The following ZMAT4 variants were observed in gnomAD, a reference collection of about 807,000 sequenced individuals.
ZMAT4 encodes the protein zinc finger matrin-type protein 4.
Under a neutral mutation model 28.7 loss-of-function variants are expected in ZMAT4, and 17 were observed. The ratio of observed to expected loss-of-function variants is 0.59; its 90% CI spans 0.41 to 0.89. The LOEUF is 0.89. Ranked by LOEUF, ZMAT4 falls within the 40% of genes least tolerant of loss-of-function variation. The pLI is 0.00. For missense variants in ZMAT4, 240 were observed against 283.8 expected, an observed-to-expected ratio of 0.85 and a Z score of 1.11; for synonymous variants, 117 against 109.2, an observed-to-expected ratio of 1.07 and a Z score of -0.44.
chr8:40,685,916 G>T (rs972501335), intron 4 of ZMAT4, among the ~76,000 whole-genome samples: 3 of 152,174 alleles, frequency 2.0e-5, no homozygotes, highest in African/African-American at 7.2e-5. Context: ...ATGGCTTGGG[G>T]TGGGGCCCAG....
At chr8:40,713,081 T>C (rs1227525393) in intron 3 of ZMAT4, among the ~76,000 whole-genome samples, 1 of 152,084 alleles carries the variant, frequency 6.6e-6, no homozygotes, top group African/African-American at 2.4e-5. Flanking sequence ...AAAACTCTAA[T>C]AATTTTTAAA....
chr8:40,865,988 C>T (rs1817666011), intron 1 of ZMAT4, among the ~76,000 whole-genome samples: 1 of 152,214 alleles, frequency 6.6e-6, no homozygotes, highest in Admixed American at 6.5e-5. Context: ...CCTCTGTGTG[C>T]CAAGTGCCAA....
At chr8:40,889,163 G>A (rs1420947367) in intron 1 of ZMAT4, among the ~76,000 whole-genome samples, 2 of 152,212 alleles carry the variant, frequency 1.3e-5, no homozygotes, top group Admixed American at 6.5e-5. Flanking sequence ...ACCACTGCAG[G>A]TGACAGGGCC....
chr8:40,822,422 G>T (rs1032646896), intron 2 of ZMAT4, among the ~76,000 whole-genome samples: 2 of 152,148 alleles, frequency 1.3e-5, no homozygotes, highest in East Asian at 1.9e-4. Flanking sequence ...CAGTAATAGG[G>T]CATGGAGACT....
chr8:40,631,853 C>G (rs1387990227), intron 5 of ZMAT4, among the ~76,000 whole-genome samples: 3 of 152,206 alleles, frequency 2.0e-5, no homozygotes, highest in Non-Finnish European at 4.4e-5. Context: ...AAGCTGGAAT[C>G]TTACCCTGAG....
chr8:40,670,973 C>T (rs1012566531), intron 5 of ZMAT4, among the ~76,000 whole-genome samples: 1 of 151,044 alleles, frequency 6.6e-6, no homozygotes, highest in African/African-American at 2.4e-5. Flanking sequence ...GAGGCTGAGG[C>T]AGGAGAATCT....
At position 40,868,101 on chromosome 8, in the gene ZMAT4, T is replaced by A. The variant is rs571477766; in HGVS notation, c.-5+29582A>T. 1.8e-4 allele frequency among the ~76,000 whole-genome samples: 28 copies of A among 152,314 alleles called. No homozygotes were observed. The South Asian group carries it at 5.4e-3, about 29-fold the overall frequency. On this transcript the variant is annotated intron_variant, in intron 1 of 6. Transcript: ENST00000297737. ...ACATTATGGACATATATATGATATA[T>A]AAATAACACATATCCATAATATATT...
intron 6 of ZMAT4, among the ~76,000 whole-genome samples, chr8:40,573,594 A>G (rs1195479178): frequency 6.6e-6 from 1 of 152,220 alleles, no homozygotes; most frequent in East Asian, 1.9e-4. Context: ...ATATAAGGCC[A>G]TATTCTGAGG....
intron 5 of ZMAT4, among the ~76,000 whole-genome samples, chr8:40,582,819 C>A (rs955459692): frequency 2.6e-5 from 4 of 152,130 alleles, no homozygotes; most frequent in Non-Finnish European, 1.5e-5. Context: ...TCAATACGGG[C>A]TTGCTATTTT....
chr8:40,883,089 G>A lies in ZMAT4; in HGVS notation c.-5+14594C>T, dbSNP rs145256946. ...CACATCATGAGGCCAAAGCCATTCC[G>A]GGCTGTGCTGATGGTGCACTGACAT... On this transcript the variant is annotated intron_variant, in intron 1 of 6. Coordinates refer to ENST00000297737, the MANE Select transcript of ZMAT4 (RefSeq NM_024645.3). Among the ~76,000 whole-genome samples the A allele has an allele frequency of 1.1e-3, 160 of 152,230 alleles. 1 individual carries two copies. The highest frequency in any genetic ancestry group is 3.5e-3 in the African/African-American group (147 of 41,526).
intron 2 of ZMAT4, among the ~76,000 whole-genome samples, chr8:40,789,940 A>G (rs1814251868): frequency 6.6e-6 from 1 of 152,170 alleles, no homozygotes; most frequent in Non-Finnish European, 1.5e-5. Context: ...ACCAACTGGA[A>G]AAAAAGCCAA....
chr8:40,810,113 T>C (rs1298124686), intron 2 of ZMAT4, among the ~76,000 whole-genome samples: 4 of 152,090 alleles, frequency 2.6e-5, no homozygotes, highest in Admixed American at 2.6e-4. Context: ...CACATACATA[T>C]ATATGTGTAT....
chr8:40,703,973 A>G (rs1022335020), intron 3 of ZMAT4, among the ~76,000 whole-genome samples: 6 of 152,208 alleles, frequency 3.9e-5, no homozygotes, highest in Middle Eastern at 3.2e-3. Context: ...CACTGGCTAG[A>G]CATTCTAAAA....
At chr8:40,538,058 A>G (rs970502565) in intron 6 of ZMAT4, among the ~76,000 whole-genome samples, 2 of 152,176 alleles carry the variant, frequency 1.3e-5, no homozygotes, top group African/African-American at 4.8e-5. Flanking sequence ...TAACCTAAGA[A>G]ACTGTTTCAG....
intron 1 of ZMAT4, among the ~76,000 whole-genome samples, chr8:40,865,917 A>G (rs1817663771): frequency 6.6e-6 from 1 of 152,218 alleles, no homozygotes; most frequent in Non-Finnish European, 1.5e-5. Context: ...CAGCTGCTCA[A>G]AAGAAAAGAG....
At chr8:40,828,405 T>G (rs572832891) in intron 1 of ZMAT4, among the ~76,000 whole-genome samples, 1 of 152,224 alleles carries the variant, frequency 6.6e-6, no homozygotes, top group African/African-American at 2.4e-5. Flanking sequence ...TGCACACTCC[T>G]TCCTCATTAT....
At chr8:40,806,128 T>C (rs1483926084) in intron 2 of ZMAT4, among the ~76,000 whole-genome samples, 2 of 152,126 alleles carry the variant, frequency 1.3e-5, no homozygotes, top group Admixed American at 1.3e-4. Context: ...ACCAAAACGG[T>C]AAAGGTCTAA....
Position 40,777,848 on chromosome 8 carries a change from C to T in ZMAT4, c.103-10118G>A, listed in dbSNP as rs56017899. 3.9e-5 allele frequency among the ~76,000 whole-genome samples: 6 copies of T among 152,336 alleles called. No homozygotes were observed. The South Asian group carries it at 1.0e-3, about 26-fold the overall frequency. On this transcript the variant is annotated intron_variant, in intron 2 of 6. Transcript: ENST00000297737. ...CTCCCCCAACATACTCTGATCACCTCATTATTCTGTATAACATTTTTATAT... is the reference window on the plus strand; with the variant it reads ...CTCCCCCAACATACTCTGATCACCTTATTATTCTGTATAACATTTTTATAT...
intron 3 of ZMAT4, among the ~76,000 whole-genome samples, chr8:40,744,562 C>T (rs1169950077): frequency 6.6e-6 from 1 of 152,150 alleles, no homozygotes; most frequent in Non-Finnish European, 1.5e-5. Flanking sequence ...GCCTTCACTC[C>T]ACTTCCAGCA....
Sources: gnomAD v4.1 joint callset for allele counts (sites outside exome capture counted in the v4.1 genomes callset) on GRCh38, gnomAD v4.1.1 for gene constraint, MANE v1.5 for transcripts, NCBI Gene and HGNC (gene_info 2026-07-23, HGNC 2026-07-21) for gene names.